STARD13: variants seen among roughly 807,000 people sequenced by gnomAD.
STARD13 encodes the protein StAR related lipid transfer domain containing 13, also known as stAR-related lipid transfer protein 13.
Under a neutral mutation model 106.4 loss-of-function variants are expected in STARD13, and 62 were observed. The ratio of observed to expected loss-of-function variants is 0.58; its 90% CI spans 0.48 to 0.72. The LOEUF is 0.72. Among genes scored for constraint, STARD13 ranks in the 30% least tolerant of loss-of-function variants. STARD13 has a pLI of 0.00. For missense variants in STARD13, 1,387 were observed against 1,424.0 expected (o/e 0.97, Z 0.42); for synonymous variants, 565 against 553.0 (o/e 1.02, Z -0.31).
upstream of STARD13, among the ~76,000 whole-genome samples, chr13:33,350,873 G>C (rs181081432): frequency 2.6e-5 from 4 of 152,102 alleles, no homozygotes. Context: ...GAAATCAGGG[G>C]CTGGACCATA....
At chr13:33,617,992 T>C in the STARD13 span, among the ~76,000 whole-genome samples, 1 of 152,172 alleles carries the variant, frequency 6.6e-6, no homozygotes, top group African/African-American at 2.4e-5. Context: ...TTGAATGATA[T>C]AAGGAACCAT....
At chr13:33,641,122 G>C in the STARD13 span, among the ~76,000 whole-genome samples, 1 of 152,256 alleles carries the variant, frequency 6.6e-6, no homozygotes, top group African/African-American at 2.4e-5. Flanking sequence ...TGTGTGTCTA[G>C]ATCCTGCTTG....
chr13:33,108,272 C>T (rs752015431), intron 12 of STARD13, among the ~76,000 whole-genome samples: 3 of 152,192 alleles, frequency 2.0e-5, no homozygotes, highest in Non-Finnish European at 4.4e-5. Flanking sequence ...CGTGCCTCCT[C>T]ACCACACTCA....
rs1321742986 is a variant in STARD13 at position 33,104,064 on chromosome 13, G to A, written c.*1529C>T. On this transcript the variant is annotated 3_prime_UTR_variant, in exon 14 of 14. Transcript: ENST00000336934. ...CTGATAACAGAAACATTACATAAAT[G>A]CATATAATGCAAAAAAACCTGAAAA... The A allele has an allele frequency of 6.6e-6, 1 of 152,078 alleles. No homozygotes were observed. The highest frequency in any genetic ancestry group is 1.5e-5 in the Non-Finnish European group (1 of 68,018). 9.4% of individuals were successfully genotyped at this position (152,078 alleles called of 1,614,324 possible).
chr13:33,213,727 T>C (rs902708988), intron 1 of STARD13, among the ~76,000 whole-genome samples: 2 of 152,370 alleles, frequency 1.3e-5, no homozygotes, highest in East Asian at 1.9e-4. Flanking sequence ...TTCTTCAGGA[T>C]TGATTACCCT....
intron 1 of STARD13, among the ~76,000 whole-genome samples, chr13:33,248,727 T>A (rs970296636): frequency 6.6e-6 from 1 of 152,262 alleles, no homozygotes; most frequent in African/African-American, 2.4e-5. Flanking sequence ...CCTCCACTTC[T>A]CCAGTCACTT....
chr13:33,228,852 G>C (rs1372740604), intron 1 of STARD13, among the ~76,000 whole-genome samples: 1 of 152,164 alleles, frequency 6.6e-6, no homozygotes, highest in African/African-American at 2.4e-5. Context: ...GTAAGACAAG[G>C]ATCTAATTGG....
the STARD13 span, among the ~76,000 whole-genome samples, chr13:33,623,637 G>A: frequency 2.0e-5 from 3 of 151,432 alleles, no homozygotes; most frequent in East Asian, 5.8e-4. Context: ...TTAATTATCT[G>A]CATCTACCTG....
At chr13:33,262,501 T>G (rs1196405745) in intron 1 of STARD13, among the ~76,000 whole-genome samples, 1 of 152,154 alleles carries the variant, frequency 6.6e-6, no homozygotes, top group Non-Finnish European at 1.5e-5. Context: ...TGATTCGAAC[T>G]TTCTGGGGTT....
chr13:33,581,175 G>A, the STARD13 span, among the ~76,000 whole-genome samples: 34 of 152,226 alleles, frequency 2.2e-4, no homozygotes, highest in African/African-American at 7.7e-4. Context: ...GAACATTTCA[G>A]TAATCAGTAT....
the STARD13 span, among the ~76,000 whole-genome samples, chr13:33,375,610 C>T: frequency 6.6e-6 from 1 of 152,018 alleles, no homozygotes; most frequent in African/African-American, 2.4e-5. Context: ...ATGGCAGCAG[C>T]AAGGAGAAGT....
the STARD13 span, among the ~76,000 whole-genome samples, chr13:33,483,250 C>A: frequency 9.2e-5 from 14 of 152,162 alleles, no homozygotes; most frequent in South Asian, 2.9e-3. Flanking sequence ...ACCATGTGGT[C>A]CAAACTTACA....
rs772982380 is a variant in STARD13, at chr13:33,187,751, C to T, written c.170-20129G>A. ...AGGCTGGACTGCAGTGGCATGATCT[C>T]AGCTCACTGTAACCTCCGCCTCCCA... On this transcript the variant is annotated intron_variant, in intron 1 of 13. Transcript: ENST00000336934. 1.7e-3 allele frequency among the ~76,000 whole-genome samples: 261 copies of T among 152,230 alleles called. 1 individual carries two copies. Among genetic ancestry groups the T allele is most frequent in the South Asian group, 5.4e-3 (26 of 4,818 alleles).
chr13:33,477,588 G>A, the STARD13 span, among the ~76,000 whole-genome samples: 1 of 152,166 alleles, frequency 6.6e-6, no homozygotes, highest in Non-Finnish European at 1.5e-5. Flanking sequence ...CAGCCATGAT[G>A]GGATGGGAGG....
intron 12 of STARD13, among the ~76,000 whole-genome samples, chr13:33,108,240 A>G (rs1010893352): frequency 1.9e-4 from 29 of 152,192 alleles, no homozygotes; most frequent in African/African-American, 6.5e-4. Flanking sequence ...AGATGCTCTG[A>G]AGACAGGAGG....
At chr13:33,459,112 G>T in the STARD13 span, among the ~76,000 whole-genome samples, 2 of 152,106 alleles carry the variant, frequency 1.3e-5, no homozygotes, top group African/African-American at 4.8e-5. Flanking sequence ...AATGATGTAA[G>T]ATAAATTGCA....
chr13:33,219,234 C>T (rs1032165485), intron 1 of STARD13, among the ~76,000 whole-genome samples: 32 of 151,942 alleles, frequency 2.1e-4, no homozygotes, highest in Non-Finnish European at 7.4e-5. Context: ...GCAAAGACAC[C>T]AATCTTTCTT....
Position 33,285,643 on chromosome 13 carries a change from G to A in STARD13, c.-5C>T. 1 of 1,612,126 alleles carries A rather than the reference G, an allele frequency of 6.2e-7. No individual in the cohort carries two copies. Among genetic ancestry groups the A allele is most frequent in the Non-Finnish European group, 8.5e-7 (1 of 1,179,698 alleles). On this transcript the variant is annotated 5_prime_UTR_variant, in exon 1 of 14. Transcript: ENST00000336934. ...CCTGGGCACCTGACTGAACATCTCG[G>A]CAGATTTCCTATTGCCACCTCAGTC...
chr13:33,360,888 C>T, the STARD13 span, among the ~76,000 whole-genome samples: 1 of 148,508 alleles, frequency 6.7e-6, no homozygotes, highest in East Asian at 2.0e-4. Flanking sequence ...CTCCGCCTCC[C>T]AGGTTCACGC....
Sources: allele counts gnomAD v4.1 joint callset (sites outside exome capture counted in the v4.1 genomes callset), GRCh38; gene constraint gnomAD v4.1.1; transcripts MANE v1.5; gene names NCBI Gene and HGNC (gene_info 2026-07-23, HGNC 2026-07-21).